The following ADAMTS6 variants were observed in gnomAD, a reference collection of about 807,000 sequenced individuals.
ADAMTS6 encodes ADAM metallopeptidase with thrombospondin type 1 motif 6, also known as A disintegrin and metalloproteinase with thrombospondin motifs 6.
Under a neutral mutation model 144.3 loss-of-function variants are expected in ADAMTS6, and 23 were observed. That is an observed-to-expected ratio of 0.16 (90% CI 0.11 to 0.23). The LOEUF (loss-of-function observed/expected upper bound fraction) is 0.23. Among genes scored for constraint, ADAMTS6 ranks in the 10% least tolerant of loss-of-function variants. The pLI is 1.00. For synonymous variants in ADAMTS6, 444 were observed against 457.5 expected, an observed-to-expected ratio of 0.97 and a Z score of 0.38; for missense variants, 999 against 1,379.6, an observed-to-expected ratio of 0.72 and a Z score of 4.37.
Position 65,419,056 on chromosome 5 carries a change from C to T in ADAMTS6, c.1073+32419G>A, listed in dbSNP as rs138166022. Among the ~76,000 whole-genome samples the T allele has an allele frequency of 2.3e-3, 349 of 152,182 alleles. 1 individual carries two copies. The highest frequency in any genetic ancestry group is 4.2e-3 in the Non-Finnish European group (283 of 67,992). On this transcript the variant is annotated intron_variant, in intron 7 of 24. Transcript: ENST00000381055. ...GCAATCCCACTTATAGGTATATATC[C>T]AAAAGAAAACAAACCTTTCTACCAA...
chr5:65,311,437 T>C (rs930611790), intron 9 of ADAMTS6, among the ~76,000 whole-genome samples: 1 of 152,132 alleles, frequency 6.6e-6, no homozygotes, highest in Non-Finnish European at 1.5e-5. Flanking sequence ...ACATGCATGC[T>C]TTTCTGAAAT....
At position 65,275,056 on chromosome 5, in the gene ADAMTS6, T is replaced by C. The variant is rs555528221; in HGVS notation, c.1513-1609A>G. ...ACTAGTGGCCTAGAGAGACAAAATA[T>C]TAGAAAAGAAGAGCATGGGCCAGGC... On this transcript the variant is annotated intron_variant, in intron 11 of 24. Transcript: ENST00000381055. Among the ~76,000 whole-genome samples the C allele has an allele frequency of 5.3e-5, 8 of 151,162 alleles. No homozygotes were observed. In the South Asian group the frequency reaches 1.7e-3, roughly 32 times the overall value.
chr5:65,443,622 C>CAAAAA lies in ADAMTS6; in HGVS notation c.1073+7848_1073+7852dup, dbSNP rs59240974. On this transcript the variant is annotated intron_variant, in intron 7 of 24. Coordinates refer to ENST00000381055, the MANE Select transcript of ADAMTS6 (RefSeq NM_197941.4). ...TAGGCAACAGAGTGAGACCCTGTCT[C>CAAAAA]AAAAAAAAAAAAAAAAAAAAAAAAA... Among the ~76,000 whole-genome samples the CAAAAA allele has an allele frequency of 2.0e-4, 14 of 69,094 alleles. 1 individual carries two copies. Among genetic ancestry groups the CAAAAA allele is most frequent in the African/African-American group, 8.7e-4 (14 of 16,036 alleles). The allele number at this position is 69,094 out of a possible 152,430, so 45.3% of individuals were successfully genotyped here. A position where few individuals can be genotyped will look rare whatever the true frequency, so the allele number is the denominator to read the frequency against.
intron 12 of ADAMTS6, among the ~76,000 whole-genome samples, chr5:65,267,174 GA>G (rs1486274235): frequency 6.6e-6 from 1 of 152,016 alleles, no homozygotes; most frequent in Non-Finnish European, 1.5e-5. Context: ...TCTATTTACA[GA>G]GAGATAGAAT....
chr5:65,344,000 AG>A (rs1434387596), intron 7 of ADAMTS6, among the ~76,000 whole-genome samples: 3 of 152,064 alleles, frequency 2.0e-5, no homozygotes, highest in African/African-American at 7.2e-5. Context: ...CATGAATTAA[AG>A]ATTTACCATT....
intron 7 of ADAMTS6, among the ~76,000 whole-genome samples, chr5:65,388,384 C>T (rs767463568): frequency 2.6e-5 from 4 of 152,122 alleles, no homozygotes; most frequent in Non-Finnish European, 5.9e-5. Context: ...TGATGAGGTA[C>T]AGGGGATGAA....
intron 15 of ADAMTS6, among the ~76,000 whole-genome samples, chr5:65,235,948 G>A (rs976457187): frequency 6.6e-6 from 1 of 152,166 alleles, no homozygotes; most frequent in African/African-American, 2.4e-5. Context: ...AAATTATGTA[G>A]ATGGCAATTA....
intron 9 of ADAMTS6, among the ~76,000 whole-genome samples, chr5:65,328,340 T>C (rs1175306590): frequency 1.3e-5 from 2 of 151,606 alleles, no homozygotes; most frequent in African/African-American, 4.8e-5. Flanking sequence ...TTTTCCCCTA[T>C]CTATGACGCC....
At chr5:65,380,800 T>C (rs941228803) in intron 7 of ADAMTS6, among the ~76,000 whole-genome samples, 1 of 152,192 alleles carries the variant, frequency 6.6e-6, no homozygotes, top group Non-Finnish European at 1.5e-5. Context: ...GTTTGTAAGT[T>C]TTTTACTATT....
At chr5:65,315,661 A>G (rs1744914634) in intron 9 of ADAMTS6, among the ~76,000 whole-genome samples, 1 of 144,398 alleles carries the variant, frequency 6.9e-6, no homozygotes, top group South Asian at 2.1e-4. Flanking sequence ...AAAAAGATAT[A>G]CCATGCTAAC....
In ADAMTS6 at chr5:65,170,858, A is replaced by G. The variant is rs1463161632; in HGVS notation, c.3088-85T>C. On this transcript the variant is annotated intron_variant, in intron 23 of 24. Transcript: ENST00000381055. ...AATATACTATGTCATTTCAAATACA[A>G]CACAATATGAACTTTTTTTTTTTTC... 10 of 1,431,090 alleles carry G rather than the reference A, an allele frequency of 7.0e-6. No individual in the cohort carries two copies. The Admixed American group carries it at 1.7e-4, about 25-fold the overall frequency. The allele number at this position is 1,431,090 out of a possible 1,614,324, so 88.6% of individuals were successfully genotyped here. A position where few individuals can be genotyped will look rare whatever the true frequency, so the allele number is the denominator to read the frequency against.
At chr5:65,460,568 G>T (rs1169229078) in intron 3 of ADAMTS6, among the ~76,000 whole-genome samples, 6 of 152,174 alleles carry the variant, frequency 3.9e-5, no homozygotes, top group Non-Finnish European at 7.3e-5. Context: ...TACTAAGCAT[G>T]TCACATACGT....
intron 9 of ADAMTS6, among the ~76,000 whole-genome samples, chr5:65,317,869 C>T (rs375297421): frequency 6.6e-6 from 1 of 151,754 alleles, no homozygotes; most frequent in African/African-American, 2.4e-5. Context: ...GTCAGGAGAT[C>T]GAGACCATCC....
intron 24 of ADAMTS6, among the ~76,000 whole-genome samples, chr5:65,163,958 C>T (rs1484964432): frequency 3.3e-5 from 5 of 151,830 alleles, no homozygotes; most frequent in South Asian, 2.1e-4. Context: ...CGATTGTGGC[C>T]GGGGGGTGGG....
intron 11 of ADAMTS6, among the ~76,000 whole-genome samples, chr5:65,289,849 C>A (rs1742114067): frequency 6.6e-6 from 1 of 152,078 alleles, no homozygotes; most frequent in South Asian, 2.1e-4. Flanking sequence ...AATAATCTAA[C>A]AGAAATTTTC....
intron 21 of ADAMTS6, among the ~76,000 whole-genome samples, chr5:65,191,708 T>C (rs1755025933): frequency 6.6e-6 from 1 of 152,104 alleles, no homozygotes; most frequent in African/African-American, 2.4e-5. Flanking sequence ...AAAAAGAATT[T>C]TTTTTCATTT....
chr5:65,186,119 T>G (rs887582532), intron 22 of ADAMTS6, among the ~76,000 whole-genome samples: 5 of 152,110 alleles, frequency 3.3e-5, no homozygotes, highest in Non-Finnish European at 5.9e-5. Flanking sequence ...CATTATCCAC[T>G]CTTTGTGTTT....
intron 24 of ADAMTS6, among the ~76,000 whole-genome samples, chr5:65,153,994 G>A (rs537987394): frequency 6.6e-6 from 1 of 152,140 alleles, no homozygotes; most frequent in Non-Finnish European, 1.5e-5. Flanking sequence ...GATCACCTGA[G>A]GTCAGGAGCA....
At chr5:65,472,846 T>C (rs930552051) in intron 2 of ADAMTS6, among the ~76,000 whole-genome samples, 18 of 152,188 alleles carry the variant, frequency 1.2e-4, no homozygotes, top group Admixed American at 1.2e-3. Context: ...CATGGATTTC[T>C]AGATACATAC....
Sources: gnomAD v4.1 joint callset for allele counts (sites outside exome capture counted in the v4.1 genomes callset) on GRCh38, gnomAD v4.1.1 for gene constraint, MANE v1.5 for transcripts, NCBI Gene and HGNC (gene_info 2026-07-23, HGNC 2026-07-21) for gene names.